The following RNGTT variants were observed in gnomAD, a reference collection of about 807,000 sequenced individuals.
RNGTT encodes the protein RNA guanylyltransferase and 5'-phosphatase.
RNGTT carries 33 observed loss-of-function variants against 79.3 expected under a neutral mutation model. The ratio of observed to expected loss-of-function variants is 0.42; its 90% CI spans 0.32 to 0.56. The LOEUF is 0.56. Ranked by LOEUF, RNGTT falls within the 20% of genes least tolerant of loss-of-function variation. The pLI, the probability that RNGTT is intolerant of heterozygous loss-of-function variation, is 0.17. For missense variants in RNGTT, 497 were observed against 739.1 expected, an observed-to-expected ratio of 0.67 and a Z score of 3.80; for synonymous variants, 222 against 235.9, an observed-to-expected ratio of 0.94 and a Z score of 0.54.
chr6:88,791,865 A>AT (rs35671265), intron 12 of RNGTT, among the ~76,000 whole-genome samples: 19,566 of 152,226 alleles, frequency 0.13, 1,445 homozygotes, highest in Middle Eastern at 0.23. Context: ...TCAAAATACC[A>AT]TAACTATTAT....
intron 12 of RNGTT, among the ~76,000 whole-genome samples, chr6:88,784,697 C>T (rs893732820): frequency 6.6e-6 from 1 of 151,970 alleles, no homozygotes; most frequent in African/African-American, 2.4e-5. Flanking sequence ...TAAATATTTC[C>T]TTCTAAAATG....
rs748084389 is a variant in RNGTT at position 88,853,597 on chromosome 6, T to TTAATTTTA, written c.1032+24_1032+31dup. ...ACAAGGAAAAGAAAAATGGCAATGT[T>TTAATTTTA]TAATTTTATAGTATACATAAATATG... On this transcript the variant is annotated intron_variant, in intron 9 of 15. Transcript: ENST00000369485. 3 of 1,411,640 alleles carry TTAATTTTA rather than the reference T, an allele frequency of 2.1e-6. No individual in the cohort carries two copies. The South Asian group carries it at 4.0e-5, about 19-fold the overall frequency. 87.4% of individuals were successfully genotyped at this position (1,411,640 alleles called of 1,614,324 possible). A position where few individuals can be genotyped will look rare whatever the true frequency, so the allele number is the denominator to read the frequency against.
At position 88,885,299 on chromosome 6, in the gene RNGTT, A is replaced by G. The variant is rs554940416; in HGVS notation, c.896+5196T>C. On this transcript the variant is annotated intron_variant, in intron 8 of 15. Transcript: ENST00000369485. ...GAAAAGTACAAGGTAAGTCCACAAC[A>G]TCTAGGGGTGCCAGAAACAAGAAAG... is the stretch of plus-strand genomic sequence containing the variant. Among the ~76,000 whole-genome samples the G allele has an allele frequency of 2.0e-5, 3 of 152,280 alleles. No homozygotes were observed. In the East Asian group the frequency reaches 5.8e-4, roughly 29 times the overall value.
At chr6:88,936,462 G>A (rs1300226222) in intron 2 of RNGTT, among the ~76,000 whole-genome samples, 1 of 152,030 alleles carries the variant, frequency 6.6e-6, no homozygotes, top group Non-Finnish European at 1.5e-5. Flanking sequence ...TAATTCTCAG[G>A]GCAAAAGCTG....
intron 6 of RNGTT, among the ~76,000 whole-genome samples, chr6:88,902,778 C>T (rs1056743743): frequency 6.7e-6 from 1 of 148,612 alleles, no homozygotes; most frequent in Admixed American, 6.8e-5. Context: ...TCACTGCAAC[C>T]TCTGCCTCTG....
intron 11 of RNGTT, among the ~76,000 whole-genome samples, chr6:88,807,352 T>C (rs1299544862): frequency 2.0e-5 from 3 of 151,706 alleles, no homozygotes; most frequent in Non-Finnish European, 4.4e-5. Context: ...ATGGAAACAA[T>C]AAAAATGAAA....
At chr6:88,958,414 A>G (rs779420132) in intron 1 of RNGTT, among the ~76,000 whole-genome samples, 2 of 152,238 alleles carry the variant, frequency 1.3e-5, no homozygotes, top group Non-Finnish European at 2.9e-5. Context: ...AAAAGAAATA[A>G]TCAGCAGAGT....
At chr6:88,820,512 T>C (rs1780462482) in intron 11 of RNGTT, among the ~76,000 whole-genome samples, 1 of 152,188 alleles carries the variant, frequency 6.6e-6, no homozygotes, top group Admixed American at 6.5e-5. Context: ...AATGATATGA[T>C]TGCCTATGCA....
intron 13 of RNGTT, among the ~76,000 whole-genome samples, chr6:88,684,206 G>A (rs927360762): frequency 1.3e-5 from 2 of 152,090 alleles, no homozygotes. Context: ...CTATGAGAAT[G>A]GCCAAAATCC....
chr6:88,767,727 GTTTCTTAGCCTCAATT>G (rs1185683294), intron 13 of RNGTT, among the ~76,000 whole-genome samples: 1 of 140,924 alleles, frequency 7.1e-6, no homozygotes, highest in East Asian at 2.1e-4. Flanking sequence ...ACTAGAATTA[GTTTCTTAGCCTCAATT>G]TTTCTAATAG....
At chr6:88,846,638 T>C (rs375376301) in intron 10 of RNGTT, among the ~76,000 whole-genome samples, 2 of 152,052 alleles carry the variant, frequency 1.3e-5, no homozygotes, top group Admixed American at 6.6e-5. Context: ...CACACGCCTG[T>C]GGTCCCAGCT....
intron 2 of RNGTT, among the ~76,000 whole-genome samples, chr6:88,932,202 GA>G (rs1363485922): frequency 6.6e-6 from 1 of 152,146 alleles, no homozygotes; most frequent in Non-Finnish European, 1.5e-5. Context: ...GATAAGGGAT[GA>G]AACACACCCT....
intron 1 of RNGTT, among the ~76,000 whole-genome samples, chr6:88,945,903 T>C (rs138957165): frequency 3.3e-5 from 5 of 152,292 alleles, no homozygotes; most frequent in East Asian, 3.9e-4. Context: ...GCATCAAAGA[T>C]GGAAAGACTC....
At chr6:88,651,268 AC>A (rs1407383334) in intron 14 of RNGTT, among the ~76,000 whole-genome samples, 1 of 152,158 alleles carries the variant, frequency 6.6e-6, no homozygotes, top group African/African-American at 2.4e-5. Context: ...ATAATAATAT[AC>A]TATATATGAC....
chr6:88,696,439 T>C (rs1039297852), intron 13 of RNGTT, among the ~76,000 whole-genome samples: 45 of 152,178 alleles, frequency 3.0e-4, no homozygotes, highest in Non-Finnish European at 1.0e-4. Context: ...TGTTATCTAA[T>C]GATCCTACAA....
chr6:88,928,963 G>A (rs369841623), intron 4 of RNGTT, 22 bp downstream of exon 4: 80 of 1,543,252 alleles, frequency 5.2e-5, no homozygotes, highest in Non-Finnish European at 5.7e-5. Flanking sequence ...ATTCAACAGT[G>A]GCAAAGTAAA....
At chr6:88,722,827 A>G (rs1776749989) in intron 13 of RNGTT, among the ~76,000 whole-genome samples, 1 of 152,202 alleles carries the variant, frequency 6.6e-6, no homozygotes, top group Non-Finnish European at 1.5e-5. Context: ...GAAGCTGAAA[A>G]ATTCCTATCA....
At chr6:88,759,943 T>A (rs971562517) in intron 13 of RNGTT, among the ~76,000 whole-genome samples, 1 of 152,130 alleles carries the variant, frequency 6.6e-6, no homozygotes, top group African/African-American at 2.4e-5. Flanking sequence ...AACAAGCTTT[T>A]TATAACATAA....
chr6:88,905,052 A>G, intron 5 of RNGTT, 97 bp from the exon 6 acceptor site: 1 of 1,442,176 alleles, frequency 6.9e-7, no homozygotes, highest in Non-Finnish European at 9.4e-7. Flanking sequence ...CATATAAAGT[A>G]CAACAGAAGT....
Sources: allele counts gnomAD v4.1 joint callset (sites outside exome capture counted in the v4.1 genomes callset), GRCh38; gene constraint gnomAD v4.1.1; transcripts MANE v1.5; gene names NCBI Gene and HGNC (gene_info 2026-07-23, HGNC 2026-07-21).